Variants in DDR2 observed in about 807,000 individuals in gnomAD.
DDR2 encodes discoidin domain-containing receptor 2.
DDR2 carries 27 observed loss-of-function variants against 94.9 expected under a neutral mutation model. The ratio of observed to expected loss-of-function variants is 0.28; its 90% CI spans 0.21 to 0.39. DDR2 has a LOEUF of 0.39. Among genes scored for constraint, DDR2 ranks in the 10% least tolerant of loss-of-function variants. DDR2 has a pLI of 1.00. For synonymous variants in DDR2, 382 were observed against 377.2 expected (o/e 1.01, Z -0.15); for missense variants, 783 against 1,076.0 (o/e 0.73, Z 3.81).
intron 2 of DDR2, among the ~76,000 whole-genome samples, chr1:162,673,042 C>T (rs912452581): frequency 2.6e-5 from 4 of 152,076 alleles, no homozygotes; most frequent in African/African-American, 2.4e-5. Context: ...TCATTATGTA[C>T]GTTCTTTAAT....
intron 2 of DDR2, among the ~76,000 whole-genome samples, chr1:162,703,404 AGGGGT>A (rs1180657566): frequency 1.3e-5 from 2 of 152,116 alleles, no homozygotes; most frequent in Non-Finnish European, 2.9e-5. Flanking sequence ...TCATCAGAAG[AGGGGT>A]GAGTGTGAGG....
At chr1:162,736,712 T>A (rs1211986376) in intron 3 of DDR2, among the ~76,000 whole-genome samples, 4 of 152,252 alleles carry the variant, frequency 2.6e-5, no homozygotes, top group Admixed American at 2.6e-4. Flanking sequence ...ATGACACTAT[T>A]TGCTTGCGAA....
intron 17 of DDR2, among the ~76,000 whole-genome samples, chr1:162,779,004 T>G (rs1647746207): frequency 6.6e-6 from 1 of 152,248 alleles, no homozygotes; most frequent in Non-Finnish European, 1.5e-5. Context: ...AACAAAGTCC[T>G]ATCTCTCATG....
chr1:162,680,943 T>C (rs1487729810), intron 2 of DDR2, among the ~76,000 whole-genome samples: 1 of 152,196 alleles, frequency 6.6e-6, no homozygotes, highest in Non-Finnish European at 1.5e-5. Flanking sequence ...TCAGTCTGGC[T>C]TCTTTTCTGG....
At chr1:162,696,425 G>A (rs1251034481) in intron 2 of DDR2, among the ~76,000 whole-genome samples, 2 of 151,406 alleles carry the variant, frequency 1.3e-5, no homozygotes, top group Admixed American at 1.3e-4. Context: ...CAGGCCTCTG[G>A]GCTCCAGCTC....
At chr1:162,773,443 G>A (rs1173936281) in intron 13 of DDR2, 26 bp from the exon 14 acceptor site, 3 of 1,612,350 alleles carry the variant, frequency 1.9e-6, no homozygotes, top group East Asian at 4.5e-5. Flanking sequence ...AAATGATGAT[G>A]CTGAGACTAG....
chr1:162,721,072 T>C (rs899506964), intron 3 of DDR2, among the ~76,000 whole-genome samples: 2 of 152,194 alleles, frequency 1.3e-5, no homozygotes, highest in Non-Finnish European at 2.9e-5. Flanking sequence ...TTCCTCTCAA[T>C]CAATTGTTGA....
Position 162,780,930 on chromosome 1 carries a change from G to C in DDR2, c.*684G>C, listed in dbSNP as rs894556672. The stretch of plus-strand genomic sequence containing the variant: ...ATGTAGATAGGAAAGAATGTCTGCT[G>C]CAAGAGTGTATGAAGGGGGATTGTC... On this transcript the variant is annotated 3_prime_UTR_variant, in exon 18 of 18. Transcript: ENST00000367921. The C allele has an allele frequency of 2.0e-5, 3 of 149,248 alleles. No individual in the cohort carries two copies. Among genetic ancestry groups the C allele is most frequent in the South Asian group, 2.2e-4 (1 of 4,568 alleles). The allele number at this position is 149,248 out of a possible 1,614,324, so 9.2% of individuals were successfully genotyped here. A position where few individuals can be genotyped will look rare whatever the true frequency, so the allele number is the denominator to read the frequency against.
At chr1:162,746,920 G>C (rs1013685521) in intron 3 of DDR2, among the ~76,000 whole-genome samples, 1 of 152,310 alleles carries the variant, frequency 6.6e-6, no homozygotes, top group Admixed American at 6.5e-5. Context: ...CTGCAGATGA[G>C]GGTCCTGACT....
chr1:162,755,578 C>A, intron 6 of DDR2, 86 bp from the exon 7 acceptor site: 1 of 1,323,904 alleles, frequency 7.6e-7, no homozygotes, highest in Non-Finnish European at 1.1e-6. Flanking sequence ...ACACGCTGTG[C>A]AAGCTTATAC....
intron 17 of DDR2, among the ~76,000 whole-genome samples, chr1:162,779,041 T>C (rs895609974): frequency 2.6e-5 from 4 of 152,198 alleles, no homozygotes; most frequent in Non-Finnish European, 5.9e-5. Context: ...ATCTAGACCA[T>C]GTGGTTTTTC....
chr1:162,763,336 C>CTTTTTTTTTTTTTTTTTTTTTTTTTT (rs56323242), intron 9 of DDR2, among the ~76,000 whole-genome samples: 1 of 56,500 alleles, frequency 1.8e-5, no homozygotes. Context: ...CCACGCCCGG[C>CTTTTTTTTTTTTTTTTTTTTTTTTTT]TTTTTTTTTT....
chr1:162,712,518 C>G (rs1660965295), intron 2 of DDR2, among the ~76,000 whole-genome samples: 1 of 151,998 alleles, frequency 6.6e-6, no homozygotes, highest in African/African-American at 2.4e-5. Context: ...CATTTTACTT[C>G]CTGGTTTCCT....
intron 1 of DDR2, among the ~76,000 whole-genome samples, chr1:162,639,150 G>A (rs2101885563): frequency 6.6e-6 from 1 of 152,134 alleles, no homozygotes; most frequent in Non-Finnish European, 1.5e-5. Flanking sequence ...TGATTCTAAA[G>A]TTTATATAGA....
intron 3 of DDR2, among the ~76,000 whole-genome samples, chr1:162,736,206 A>G (rs749944695): frequency 1.2e-4 from 18 of 152,188 alleles, no homozygotes; most frequent in Non-Finnish European, 2.5e-4. Flanking sequence ...AGGCTCACAA[A>G]CATGTATTCT....
intron 7 of DDR2, among the ~76,000 whole-genome samples, chr1:162,756,109 A>G (rs1663452788): frequency 6.6e-6 from 1 of 152,216 alleles, no homozygotes; most frequent in Non-Finnish European, 1.5e-5. Flanking sequence ...ATGGAAACAA[A>G]GGGCCAGAGA....
At chr1:162,688,604 A>G (rs1168322499) in intron 2 of DDR2, among the ~76,000 whole-genome samples, 1 of 152,252 alleles carries the variant, frequency 6.6e-6, no homozygotes, top group East Asian at 1.9e-4. Context: ...TAGTTGAAGA[A>G]CATTTATACA....
chr1:162,728,291 C>G (rs964012141), intron 3 of DDR2, among the ~76,000 whole-genome samples: 2 of 150,530 alleles, frequency 1.3e-5, no homozygotes, highest in African/African-American at 4.9e-5. Context: ...ACATTTTACC[C>G]AATCAGGTCA....
At chr1:162,742,020 T>A (rs1012348844) in intron 3 of DDR2, among the ~76,000 whole-genome samples, 2 of 152,220 alleles carry the variant, frequency 1.3e-5, no homozygotes, top group African/African-American at 4.8e-5. Flanking sequence ...TGTTTCCTCA[T>A]CCTTACTCTT....
Sources: allele counts gnomAD v4.1 joint callset (sites outside exome capture counted in the v4.1 genomes callset), GRCh38; gene constraint gnomAD v4.1.1; transcripts MANE v1.5; gene names NCBI Gene and HGNC (gene_info 2026-07-23, HGNC 2026-07-21).